Variants in ZBTB16 observed in about 807,000 individuals in gnomAD.
The protein encoded by ZBTB16 is zinc finger and BTB domain-containing protein 16.
Under a neutral mutation model 56.8 loss-of-function variants are expected in ZBTB16, and 8 were observed. That is an observed-to-expected ratio of 0.14 (90% CI 0.08 to 0.25). The LOEUF is 0.25. ZBTB16 is among the 10% of genes least tolerant of loss of function. The pLI, the probability that ZBTB16 is intolerant of heterozygous loss-of-function variation, is 1.00. For missense variants in ZBTB16, 625 were observed against 903.0 expected (o/e 0.69, Z 3.95); for synonymous variants, 363 against 368.5 (o/e 0.98, Z 0.17).
intron 2 of ZBTB16, among the ~76,000 whole-genome samples, chr11:114,151,378 A>T (rs1167098595): frequency 6.6e-6 from 1 of 152,168 alleles, no homozygotes; most frequent in Non-Finnish European, 1.5e-5. Context: ...CAAGGACAAC[A>T]TCGTCTTATA....
rs144405714 is a variant in ZBTB16, at chr11:114,180,350, A to G, written c.1367-6602A>G. Among the ~76,000 whole-genome samples the G allele has an allele frequency of 6.8e-3, 1,042 of 152,318 alleles. 8 individuals carry two copies. The highest frequency in any genetic ancestry group is 0.011 in the Non-Finnish European group (782 of 68,028). On this transcript the variant is annotated intron_variant, in intron 3 of 6. Coordinates refer to ENST00000335953, the MANE Select transcript of ZBTB16 (RefSeq NM_006006.6). ...CACAACTGGGTACCTGGAATCTCAGATAAACTCAGTGCCTGGGGTAGGGAG... is the reference window on the plus strand; with the variant it reads ...CACAACTGGGTACCTGGAATCTCAGGTAAACTCAGTGCCTGGGGTAGGGAG...
intron 2 of ZBTB16, among the ~76,000 whole-genome samples, chr11:114,117,148 G>A (rs756616717): frequency 1.6e-4 from 24 of 152,170 alleles, no homozygotes; most frequent in Non-Finnish European, 1.3e-4. Flanking sequence ...CGCAAAGGCC[G>A]GGGGAAGGAG....
intron 2 of ZBTB16, among the ~76,000 whole-genome samples, chr11:114,096,409 C>T (rs949366697): frequency 2.6e-5 from 4 of 152,116 alleles, no homozygotes; most frequent in African/African-American, 9.7e-5. Flanking sequence ...GTTTTTAAGC[C>T]GTTGAGAGAT....
intron 3 of ZBTB16, among the ~76,000 whole-genome samples, chr11:114,177,344 G>C (rs1437035951): frequency 6.6e-6 from 1 of 152,150 alleles, no homozygotes; most frequent in African/African-American, 2.4e-5. Context: ...TCTGCCTCCG[G>C]GGTTCTAGCG....
intron 2 of ZBTB16, among the ~76,000 whole-genome samples, chr11:114,077,731 A>G (rs1395126101): frequency 6.6e-6 from 1 of 152,184 alleles, no homozygotes; most frequent in African/African-American, 2.4e-5. Context: ...CCTGCAAGAA[A>G]GGGAGGGGAA....
At chr11:114,116,926 T>C (rs1941191361) in intron 2 of ZBTB16, among the ~76,000 whole-genome samples, 1 of 152,010 alleles carries the variant, frequency 6.6e-6, no homozygotes. Context: ...CACTGAGACA[T>C]AGCAGCACTT....
chr11:114,134,537 A>G (rs1292992710), intron 2 of ZBTB16, among the ~76,000 whole-genome samples: 16 of 152,194 alleles, frequency 1.1e-4, no homozygotes, highest in Admixed American at 1.0e-3. Flanking sequence ...CCAATGGCTT[A>G]CTGGAGAAAC....
chr11:114,216,726 C>G (rs1944107703), intron 4 of ZBTB16, among the ~76,000 whole-genome samples: 1 of 152,206 alleles, frequency 6.6e-6, no homozygotes, highest in South Asian at 2.1e-4. Flanking sequence ...TGGCATGACA[C>G]TAAAAGATCC....
At chr11:114,241,355 G>A (rs1301286073) in intron 4 of ZBTB16, among the ~76,000 whole-genome samples, 1 of 152,064 alleles carries the variant, frequency 6.6e-6, no homozygotes, top group African/African-American at 2.4e-5. Context: ...CCCAACCCCC[G>A]GGCCATGGTC....
chr11:114,128,071 T>G (rs1427347940), intron 2 of ZBTB16, among the ~76,000 whole-genome samples: 1 of 152,222 alleles, frequency 6.6e-6, no homozygotes, highest in African/African-American at 2.4e-5. Flanking sequence ...TGTCTGGATC[T>G]AAGCCTTTCT....
At chr11:114,186,818 A>C in intron 3 of ZBTB16, 134 bp from the exon 4 acceptor site, 1 of 800,466 alleles carries the variant, frequency 1.2e-6, no homozygotes, top group East Asian at 2.5e-5. Flanking sequence ...TGAGCCATGG[A>C]TGATCCCTCA....
At chr11:114,193,260 G>A (rs1310227622) in intron 4 of ZBTB16, among the ~76,000 whole-genome samples, 2 of 152,188 alleles carry the variant, frequency 1.3e-5, no homozygotes, top group African/African-American at 4.8e-5. Context: ...AGTAAACTGA[G>A]CTCTTGAAAG....
intron 4 of ZBTB16, among the ~76,000 whole-genome samples, chr11:114,219,608 A>T (rs1393152002): frequency 1.3e-5 from 2 of 152,002 alleles, no homozygotes; most frequent in Non-Finnish European, 2.9e-5. Flanking sequence ...TGTGAGGGAG[A>T]TAAAAGTTGA....
chr11:114,059,737 A>G lies in ZBTB16; in HGVS notation c.-236A>G, dbSNP rs1215453691. The G allele has an allele frequency of 5.0e-6, 2 of 398,084 alleles. No individual in the cohort carries two copies. Among genetic ancestry groups the G allele is most frequent in the African/African-American group, 4.1e-5 (2 of 48,492 alleles). 24.7% of individuals were successfully genotyped at this position (398,084 alleles called of 1,614,324 possible). A position where few individuals can be genotyped will look rare whatever the true frequency, so the allele number is the denominator to read the frequency against. On this transcript the variant is annotated 5_prime_UTR_variant, in exon 1 of 7. Transcript: ENST00000335953. This position sits in a 1 kb window ranked among gnomAD's most constrained non-coding sequence, Gnocchi z 5.3. Reference sequence around the variant, plus strand: ...GCAGAGAGGAGTTGAGGGCGATGAGAGCGGGTACTGCGAACTGCCGGGCGA... The same window carrying G: ...GCAGAGAGGAGTTGAGGGCGATGAGGGCGGGTACTGCGAACTGCCGGGCGA...
At chr11:114,085,516 GTA>G (rs922684307) in intron 2 of ZBTB16, among the ~76,000 whole-genome samples, 9 of 145,228 alleles carry the variant, frequency 6.2e-5, no homozygotes, top group Non-Finnish European at 9.2e-5. Context: ...GTGTGTGTGT[GTA>G]TATATATATA....
Position 114,151,855 on chromosome 11 carries a change from G to A in ZBTB16, c.1269-4482G>A, listed in dbSNP as rs138544157. On this transcript the variant is annotated intron_variant, in intron 2 of 6. Transcript: ENST00000335953. ...ATGGTGGATGCCCCCTTGGGGCTCA[G>A]CTGTTGTGGTCAGCTCTCTCTGGAA... Among the ~76,000 whole-genome samples the A allele has an allele frequency of 2.0e-3, 312 of 152,358 alleles. 5 individuals are homozygous for A. The highest frequency in any genetic ancestry group is 0.018 in the Admixed American group (269 of 15,306).
Position 114,060,982 on chromosome 11 carries a change from C to T in ZBTB16, c.-91+1100C>T, listed in dbSNP as rs996841123. Among the ~76,000 whole-genome samples the T allele has an allele frequency of 1.3e-5, 2 of 152,204 alleles. No individual in the cohort carries two copies. The highest frequency in any genetic ancestry group is 4.8e-5 in the African/African-American group (2 of 41,468). ...GGTCCGCCTCCCCTGCCGCTCTCGC[C>T]GCGGAGTCCAGCCCGCCCGGACTGT... On this transcript the variant is annotated intron_variant, in intron 1 of 6. Transcript: ENST00000335953. This position sits in a 1 kb window ranked among gnomAD's most constrained non-coding sequence, Gnocchi z 6.0.
At chr11:114,200,142 AAAAAAAG>A (rs1014699484) in intron 4 of ZBTB16, among the ~76,000 whole-genome samples, 8 of 140,516 alleles carry the variant, frequency 5.7e-5, no homozygotes, top group Non-Finnish European at 1.1e-4. Flanking sequence ...AAAAAAAAAG[AAAAAAAG>A]AAAAAAAAAA....
chr11:114,125,753 T>C (rs1489393407), intron 2 of ZBTB16, among the ~76,000 whole-genome samples: 1 of 152,134 alleles, frequency 6.6e-6, no homozygotes, highest in African/African-American at 2.4e-5. Context: ...GTGCTGTTTG[T>C]TGCAGGAGCG....
Sources: allele counts gnomAD v4.1 joint callset (sites outside exome capture counted in the v4.1 genomes callset), GRCh38; gene constraint gnomAD v4.1.1; non-coding constraint Gnocchi (gnomAD v3.1); transcripts MANE v1.5; gene names NCBI Gene and HGNC (gene_info 2026-07-23, HGNC 2026-07-21).